Variants in LRFN5 observed in about 807,000 individuals in gnomAD.
The protein encoded by LRFN5 is leucine-rich repeat and fibronectin type-III domain-containing protein 5.
A neutral mutation model predicts 45.6 loss-of-function variants in LRFN5; 24 were observed. The observed-to-expected ratio is 0.53, with a 90% CI of 0.38 to 0.74. The LOEUF (loss-of-function observed/expected upper bound fraction) is 0.74, where lower values mean the gene tolerates loss of function less well. Among genes scored for constraint, LRFN5 ranks in the 30% least tolerant of loss-of-function variants. LRFN5 has a pLI of 0.00. For synonymous variants in LRFN5, 340 were observed against 313.8 expected (o/e 1.08, Z -0.88); for missense variants, 776 against 861.5 (o/e 0.90, Z 1.24).
At chr14:41,849,650 C>T (rs1264794507) in intron 2 of LRFN5, among the ~76,000 whole-genome samples, 2 of 151,942 alleles carry the variant, frequency 1.3e-5, no homozygotes, top group African/African-American at 4.8e-5. Flanking sequence ...GAAGATTTCT[C>T]TGTCTCTTTT....
Position 41,887,067 on chromosome 14 carries a change from G to C in LRFN5, c.442G>C (p.Ala148Pro), listed in dbSNP as rs773608812. ...ISSTAFDDVF[A>P]LEELDLSYNN... ...CTCTACAGCGTTTGATGATGTCTTC[G>C]CCCTTGAGGAGCTGGATCTGTCCTA... The change falls in exon 3 of 6, where the codon GCC (alanine) becomes CCC (proline). Residue 148 changes from alanine to proline, a missense_variant. By Grantham distance (27) the Ala-to-Pro change is conservative (BLOSUM62 -1). Around this residue, in one of 2 missense-constraint regions of LRFN5, gnomAD observed 311 missense variants for 405.1 expected, o/e 0.77. Transcript: ENST00000298119. This position sits in a 1 kb window ranked among gnomAD's most constrained non-coding sequence, Gnocchi z 4.8. 1 of 1,613,946 alleles carries C rather than the reference G, an allele frequency of 6.2e-7. No homozygotes were observed. Among genetic ancestry groups the C allele is most frequent in the South Asian group, 1.1e-5 (1 of 91,080 alleles).
intron 1 of LRFN5, among the ~76,000 whole-genome samples, chr14:41,617,640 G>A (rs1341598394): frequency 6.6e-6 from 1 of 152,078 alleles, no homozygotes; most frequent in Non-Finnish European, 1.5e-5. Flanking sequence ...AGGAGATTCT[G>A]TAGTTGTTTG....
At chr14:41,626,244 G>A (rs920845883) in intron 1 of LRFN5, among the ~76,000 whole-genome samples, 2 of 151,964 alleles carry the variant, frequency 1.3e-5, no homozygotes, top group African/African-American at 4.8e-5. Context: ...TTAAAATTAT[G>A]ATTAAAGGCC....
intron 2 of LRFN5, among the ~76,000 whole-genome samples, chr14:41,770,306 C>A (rs1886035714): frequency 6.6e-6 from 1 of 152,146 alleles, no homozygotes. Flanking sequence ...CCCCCCAAAT[C>A]ACATGTTCTT....
At chr14:41,852,613 C>G (rs531425459) in intron 2 of LRFN5, among the ~76,000 whole-genome samples, 1 of 151,894 alleles carries the variant, frequency 6.6e-6, no homozygotes, top group Non-Finnish European at 1.5e-5. Flanking sequence ...TTCCTGAGCT[C>G]TGTAGTTATT....
Position 41,607,764 on chromosome 14 carries a change from T to A in LRFN5, c.-995T>A, listed in dbSNP as rs1489784788. On this transcript the variant is annotated 5_prime_UTR_variant, in exon 1 of 6. Transcript: ENST00000298119. ...AGCTTGGAAAGCGCCAATATTAACC[T>A]GCTTCCAGGTACATCACAAGGTCAA... The A allele has an allele frequency of 6.6e-6, 1 of 152,184 alleles. No homozygotes were observed. Among genetic ancestry groups the A allele is most frequent in the Non-Finnish European group, 1.5e-5 (1 of 68,056 alleles). 9.4% of individuals were successfully genotyped at this position (152,184 alleles called of 1,614,324 possible). A position where few individuals can be genotyped will look rare whatever the true frequency, so the allele number is the denominator to read the frequency against.
At chr14:41,768,036 G>A (rs966641796) in intron 2 of LRFN5, among the ~76,000 whole-genome samples, 1 of 152,058 alleles carries the variant, frequency 6.6e-6, no homozygotes, top group Non-Finnish European at 1.5e-5. Flanking sequence ...TAGAACAAAA[G>A]TTTGATATAG....
intron 2 of LRFN5, among the ~76,000 whole-genome samples, chr14:41,803,204 A>G (rs946910375): frequency 6.6e-6 from 1 of 152,188 alleles, no homozygotes; most frequent in Non-Finnish European, 1.5e-5. Context: ...ATATTTCAGT[A>G]TTTGTCATTA....
At chr14:41,851,616 A>T (rs1215259552) in intron 2 of LRFN5, among the ~76,000 whole-genome samples, 3 of 151,780 alleles carry the variant, frequency 2.0e-5, no homozygotes, top group African/African-American at 7.2e-5. Context: ...GTGGTTGTTT[A>T]ATTTTTTCTG....
rs1887249675 is a variant in LRFN5 at position 41,799,472 on chromosome 14, T to C, written c.-21+32443T>C. On this transcript the variant is annotated intron_variant, in intron 2 of 5. Coordinates refer to ENST00000298119, the MANE Select transcript of LRFN5 (RefSeq NM_152447.5). ...CACTTCTCCTTTCCCTCATGCTTAG[T>C]ATTTCTAGGTACAACTTCTTTTTCT... Among the ~76,000 whole-genome samples the C allele has an allele frequency of 2.0e-5, 3 of 151,966 alleles. No individual in the cohort carries two copies. The South Asian group carries it at 6.2e-4, about 31-fold the overall frequency.
At position 41,705,230 on chromosome 14, in the gene LRFN5, C is replaced by T. The variant is rs548065622; in HGVS notation, c.-196-61624C>T. On this transcript the variant is annotated intron_variant, in intron 1 of 5. Transcript: ENST00000298119. Reference sequence around the variant, plus strand: ...CTAAACAATGTAACACACTACTCTGCGCAGTGCTATGGCCTCAGTTGCTTT... The same window carrying T: ...CTAAACAATGTAACACACTACTCTGTGCAGTGCTATGGCCTCAGTTGCTTT... Among the ~76,000 whole-genome samples, 15 of 152,088 alleles carry T rather than the reference C, an allele frequency of 9.9e-5. No homozygotes were observed. The South Asian group carries it at 2.1e-3, about 21-fold the overall frequency.
At chr14:41,726,397 T>A (rs1051659647) in intron 1 of LRFN5, among the ~76,000 whole-genome samples, 1 of 152,144 alleles carries the variant, frequency 6.6e-6, no homozygotes, top group African/African-American at 2.4e-5. Flanking sequence ...ATATACTGTA[T>A]GAAAGATAAC....
chr14:41,672,775 A>G (rs970426075), intron 1 of LRFN5, among the ~76,000 whole-genome samples: 2 of 152,206 alleles, frequency 1.3e-5, no homozygotes, highest in African/African-American at 4.8e-5. Flanking sequence ...GAAACTATCT[A>G]TAGACTTTTG....
intron 2 of LRFN5, among the ~76,000 whole-genome samples, chr14:41,868,792 T>C (rs970185676): frequency 1.3e-5 from 2 of 152,164 alleles, no homozygotes; most frequent in South Asian, 4.1e-4. Flanking sequence ...TACCGAAAAG[T>C]GCATAAAACA....
At chr14:41,872,315 C>T (rs984565405) in intron 2 of LRFN5, among the ~76,000 whole-genome samples, 4 of 152,114 alleles carry the variant, frequency 2.6e-5, no homozygotes. Context: ...AAAAGAGCTA[C>T]ACACAAAAAG....
intron 1 of LRFN5, among the ~76,000 whole-genome samples, chr14:41,623,956 T>A (rs892009941): frequency 6.6e-6 from 1 of 152,126 alleles, no homozygotes; most frequent in Non-Finnish European, 1.5e-5. Flanking sequence ...AAGAAAATAA[T>A]GCAGTGTGGT....
rs1160213210 is a variant in LRFN5 at position 41,782,259 on chromosome 14, G to A, written c.-21+15230G>A. 4.6e-5 allele frequency among the ~76,000 whole-genome samples: 7 copies of A among 151,006 alleles called. No homozygotes were observed. In the East Asian group the frequency reaches 1.4e-3, roughly 29 times the overall value. ...TTTTTTCCTCTGATATTTTAATTTG[G>A]GGAGTTTCTATTGACATTTCTCAAA... On this transcript the variant is annotated intron_variant, in intron 2 of 5. Coordinates refer to ENST00000298119, the MANE Select transcript of LRFN5 (RefSeq NM_152447.5).
intron 1 of LRFN5, among the ~76,000 whole-genome samples, chr14:41,735,932 A>G (rs1884411446): frequency 6.6e-6 from 1 of 152,138 alleles, no homozygotes; most frequent in African/African-American, 2.4e-5. Flanking sequence ...AAAGGACATG[A>G]ATTCATTCTT....
intron 2 of LRFN5, among the ~76,000 whole-genome samples, chr14:41,788,055 C>A (rs369440982): frequency 2.0e-5 from 3 of 152,178 alleles, no homozygotes; most frequent in South Asian, 4.2e-4. Flanking sequence ...CACCAGAACT[C>A]AACTCTTCTG....
Sources: gnomAD v4.1 joint callset for allele counts (sites outside exome capture counted in the v4.1 genomes callset) on GRCh38, gnomAD v4.1.1 for gene constraint, gnomAD v4.1.1 regional missense constraint, Gnocchi (gnomAD v3.1) non-coding constraint, MANE v1.5 for transcripts, NCBI Gene and HGNC (gene_info 2026-07-23, HGNC 2026-07-21) for gene names.